The following CDH18 variants were observed in gnomAD, a reference collection of about 807,000 sequenced individuals.
CDH18 encodes the protein cadherin 18, also known as cadherin-18.
In CDH18, 31 loss-of-function variants were observed where a neutral mutation model predicts 67.9. The ratio of observed to expected loss-of-function variants is 0.46; its 90% CI spans 0.34 to 0.62. The LOEUF (loss-of-function observed/expected upper bound fraction) is 0.62, where lower values mean the gene tolerates loss of function less well. Ranked by LOEUF, CDH18 falls within the 20% of genes least tolerant of loss-of-function variation. CDH18 has a pLI of 0.01. For synonymous variants in CDH18, 362 were observed against 347.2 expected (o/e 1.04, Z -0.48); for missense variants, 890 against 975.5 (o/e 0.91, Z 1.17).
At chr5:20,160,690 G>A (rs929967332) in intron 2 of CDH18, among the ~76,000 whole-genome samples, 2 of 152,106 alleles carry the variant, frequency 1.3e-5, no homozygotes, top group Non-Finnish European at 2.9e-5. Context: ...TTAGAATAAA[G>A]GACTAATGAC....
chr5:19,719,665 C>T (rs909133597), intron 5 of CDH18, among the ~76,000 whole-genome samples: 2 of 151,762 alleles, frequency 1.3e-5, no homozygotes, highest in Non-Finnish European at 2.9e-5. Flanking sequence ...AGGTCTCATA[C>T]TCATTTTAAG....
At chr5:20,360,423 T>G (rs1054050218) in intron 1 of CDH18, among the ~76,000 whole-genome samples, 2 of 152,188 alleles carry the variant, frequency 1.3e-5, no homozygotes, top group Non-Finnish European at 2.9e-5. Flanking sequence ...ACGTTTGATA[T>G]GTGAGCATGG....
chr5:20,126,251 A>C (rs1748810429), intron 2 of CDH18, among the ~76,000 whole-genome samples: 1 of 152,224 alleles, frequency 6.6e-6, no homozygotes, highest in Non-Finnish European at 1.5e-5. Flanking sequence ...GGAAAAGTGC[A>C]TATTGTGGTG....
intron 1 of CDH18, among the ~76,000 whole-genome samples, chr5:20,376,091 A>ATTTTTTTGTTTTTTTTTTTTT (rs1743397923): frequency 2.0e-5 from 1 of 49,748 alleles, no homozygotes; most frequent in Non-Finnish European, 3.8e-5. Flanking sequence ...AAAAGAAACA[A>ATTTTTTTGTTTTTTTTTTTTT]TTTTTTTTTT....
chr5:20,111,571 A>C, intron 2 of CDH18, among the ~76,000 whole-genome samples: 1 of 98,022 alleles, frequency 1.0e-5, no homozygotes, highest in South Asian at 3.0e-4. Context: ...TTTTTTTTCC[A>C]GAGCCTTGCT....
At chr5:19,498,398 G>A (rs1415808797) in intron 11 of CDH18, among the ~76,000 whole-genome samples, 5 of 152,130 alleles carry the variant, frequency 3.3e-5, no homozygotes, top group Non-Finnish European at 7.4e-5. Context: ...TTGAAGATCT[G>A]AAGAAGTCCT....
intron 8 of CDH18, among the ~76,000 whole-genome samples, chr5:19,560,658 A>G (rs1383412204): frequency 6.6e-6 from 1 of 152,130 alleles, no homozygotes; most frequent in Non-Finnish European, 1.5e-5. Flanking sequence ...AAAGATAAAT[A>G]GATGGAACTT....
At chr5:19,931,839 C>T (rs990225174) in intron 2 of CDH18, among the ~76,000 whole-genome samples, 4 of 151,656 alleles carry the variant, frequency 2.6e-5, no homozygotes, top group Non-Finnish European at 4.4e-5. Context: ...TGCTTAGGTA[C>T]CTGTTTAACT....
intron 3 of CDH18, among the ~76,000 whole-genome samples, chr5:19,767,050 T>C (rs1036943864): frequency 1.3e-5 from 2 of 151,782 alleles, no homozygotes; most frequent in African/African-American, 4.8e-5. Flanking sequence ...GAAAATTTTA[T>C]TATTAATTTC....
At chr5:19,924,588 T>C (rs1792887318) in intron 2 of CDH18, among the ~76,000 whole-genome samples, 2 of 152,140 alleles carry the variant, frequency 1.3e-5, no homozygotes, top group African/African-American at 4.8e-5. Flanking sequence ...ATCGCAGCAC[T>C]GCACTCCAGC....
At chr5:19,681,894 C>A (rs1760387107) in intron 5 of CDH18, among the ~76,000 whole-genome samples, 1 of 151,896 alleles carries the variant, frequency 6.6e-6, no homozygotes, top group Non-Finnish European at 1.5e-5. Context: ...AATTATTTTG[C>A]TACTTCCCCT....
intron 5 of CDH18, among the ~76,000 whole-genome samples, chr5:19,620,159 T>C (rs1441300681): frequency 2.0e-5 from 3 of 152,188 alleles, no homozygotes; most frequent in East Asian, 1.9e-4. Flanking sequence ...CTTCTCTATA[T>C]GTTTTTTCTC....
intron 2 of CDH18, among the ~76,000 whole-genome samples, chr5:20,213,928 A>G (rs963167624): frequency 2.6e-5 from 4 of 152,058 alleles, no homozygotes; most frequent in Non-Finnish European, 5.9e-5. Flanking sequence ...GGAAAGTCAA[A>G]CTATCCTTGT....
At chr5:19,501,104 G>A (rs767755544) in intron 11 of CDH18, among the ~76,000 whole-genome samples, 14 of 150,978 alleles carry the variant, frequency 9.3e-5, no homozygotes, top group Non-Finnish European at 1.8e-4. Context: ...TTACAATTCA[G>A]CCTGGGCAAC....
Position 20,376,509 on chromosome 5 carries a change from C to G in CDH18, c.-579-121004G>C, listed in dbSNP as rs191446622. On this transcript the variant is annotated intron_variant, in intron 1 of 14. Transcript: ENST00000507958. ...ATGTTGGGGTTTTGATTCTGCCATGCAAGTGTCTGCTTTCTTTAGGGGGGT... is the reference window on the plus strand; with the variant it reads ...ATGTTGGGGTTTTGATTCTGCCATGGAAGTGTCTGCTTTCTTTAGGGGGGT... Among the ~76,000 whole-genome samples, 615 of 149,666 alleles carry G rather than the reference C, an allele frequency of 4.1e-3. 7 individuals are homozygous for G. Among genetic ancestry groups the G allele is most frequent in the African/African-American group, 0.014 (579 of 40,582 alleles).
intron 3 of CDH18, among the ~76,000 whole-genome samples, chr5:19,824,366 T>C (rs1466423011): frequency 6.6e-6 from 1 of 152,106 alleles, no homozygotes; most frequent in African/African-American, 2.4e-5. Context: ...GGGCTCACCA[T>C]GGAGACAGGA....
At chr5:19,612,306 T>C (rs1749109524) in intron 6 of CDH18, 128 bp downstream of exon 6, 3 of 805,260 alleles carry the variant, frequency 3.7e-6, no homozygotes, top group African/African-American at 1.7e-5. Context: ...TGAAGAAGGG[T>C]GATCATATAG....
intron 1 of CDH18, among the ~76,000 whole-genome samples, chr5:20,351,964 C>G (rs932270220): frequency 1.3e-5 from 2 of 152,166 alleles, no homozygotes; most frequent in Admixed American, 6.5e-5. Flanking sequence ...CCCCTCACCT[C>G]TTCTATCCAG....
chr5:20,029,951 CT>C (rs1367534503), intron 2 of CDH18, among the ~76,000 whole-genome samples: 4 of 152,156 alleles, frequency 2.6e-5, no homozygotes, highest in Non-Finnish European at 1.5e-5. Context: ...ATTCTGATGG[CT>C]GTCAGAATTT....
Sources: gnomAD v4.1 joint callset for allele counts (sites outside exome capture counted in the v4.1 genomes callset) on GRCh38, gnomAD v4.1.1 for gene constraint, MANE v1.5 for transcripts, NCBI Gene and HGNC (gene_info 2026-07-23, HGNC 2026-07-21) for gene names.